TMEM9: variants seen among roughly 807,000 people sequenced by gnomAD.
TMEM9 encodes the protein transmembrane protein 9, also known as proton-transporting V-type ATPase complex assembly regulator TMEM9.
In TMEM9, 13 loss-of-function variants were observed where a neutral mutation model predicts 22.8. That is an observed-to-expected ratio of 0.57 (90% confidence interval 0.37 to 0.91). The LOEUF is 0.91. TMEM9 is among the 40% of genes least tolerant of loss of function. The pLI is 0.01. For synonymous variants in TMEM9, 88 were observed against 93.0 expected (o/e 0.95, Z 0.31); for missense variants, 182 against 238.1 (o/e 0.76, Z 1.55).
At chr1:201,170,540 T>C (rs998800423) in intron 1 of TMEM9, among the ~76,000 whole-genome samples, 2 of 152,232 alleles carry the variant, frequency 1.3e-5, no homozygotes, top group African/African-American at 4.8e-5. Flanking sequence ...GCTGAAATGC[T>C]GACAAGTCTG....
intron 1 of TMEM9, among the ~76,000 whole-genome samples, chr1:201,171,141 T>C (rs909840882): frequency 2.0e-5 from 3 of 152,028 alleles, no homozygotes; most frequent in African/African-American, 7.2e-5. Context: ...GCTCCGTCCT[T>C]CCCCACCCGG....
At chr1:201,155,198 C>G (rs1209069795), upstream of TMEM9, among the ~76,000 whole-genome samples, 2 of 152,198 alleles carry the variant, frequency 1.3e-5, no homozygotes, top group African/African-American at 4.8e-5. Flanking sequence ...TGGCGCTCCC[C>G]CTAAGCAGCT....
chr1:201,155,283 G>T (rs1021495147), upstream of TMEM9, among the ~76,000 whole-genome samples: 2 of 144,020 alleles, frequency 1.4e-5, no homozygotes, highest in African/African-American at 5.1e-5. Context: ...AAAATGATTC[G>T]GTTGGATTCT....
chr1:201,154,622 A>G (rs1665721171), upstream of TMEM9: 1 of 152,212 alleles, frequency 6.6e-6, no homozygotes, highest in Non-Finnish European at 1.5e-5. Context: ...AAACCCGACC[A>G]AACCAGAAAA....
intron 1 of TMEM9, among the ~76,000 whole-genome samples, chr1:201,160,965 A>G (rs1011665408): frequency 6.6e-6 from 1 of 152,078 alleles, no homozygotes; most frequent in Non-Finnish European, 1.5e-5. Context: ...TGAGGACCCT[A>G]AAGAATTTTG....
At chr1:201,164,068 C>A (rs1666013369) in intron 1 of TMEM9, among the ~76,000 whole-genome samples, 1 of 152,160 alleles carries the variant, frequency 6.6e-6, no homozygotes, top group Non-Finnish European at 1.5e-5. Flanking sequence ...AAAAAGGAAT[C>A]AACTATTGAT....
intron 4 of TMEM9, 114 bp downstream of exon 4, chr1:201,143,706 C>A: frequency 1.9e-6 from 2 of 1,066,588 alleles, no homozygotes; most frequent in South Asian, 1.4e-5. Flanking sequence ...ACCAGAAGAG[C>A]AACTTGAAGC....
intron 3 of TMEM9, chr1:201,144,849 T>A (rs1207595823): frequency 1.3e-5 from 2 of 152,206 alleles, no homozygotes; most frequent in African/African-American, 4.8e-5. Context: ...GGCTACCAGA[T>A]GGTGGAGGTG....
chr1:201,139,510 AC>A (rs1165095286), intron 4 of TMEM9, among the ~76,000 whole-genome samples: 4 of 152,054 alleles, frequency 2.6e-5, no homozygotes, highest in African/African-American at 9.7e-5. Flanking sequence ...CCCAGCTGGG[AC>A]CCACCTGCTC....
Position 201,143,968 on chromosome 1 carries a change from C to T in TMEM9, c.268-17G>A, listed in dbSNP as rs779017423. On this transcript the variant is annotated splice_polypyrimidine_tract_variant and intron_variant, in intron 3 of 4. Transcript: ENST00000367330. Reference sequence around the variant, plus strand: ...AATGATGACCTGAGGAAGAGACCGGCGTGCCTATGAACCATTATCTGAGGC... The same window carrying T: ...AATGATGACCTGAGGAAGAGACCGGTGTGCCTATGAACCATTATCTGAGGC... 8.7e-6 allele frequency: 14 copies of T among 1,613,518 alleles called. No individual in the cohort carries two copies. The highest frequency in any genetic ancestry group is 1.6e-4 in the Middle Eastern group (1 of 6,084).
chr1:201,142,018 G>A (rs910106330), intron 4 of TMEM9, among the ~76,000 whole-genome samples: 1 of 152,154 alleles, frequency 6.6e-6, no homozygotes, highest in Non-Finnish European at 1.5e-5. Context: ...GTTTATTAGC[G>A]ATGCTCCTCC....
intron 1 of TMEM9, 65 bp from the exon 2 acceptor site, chr1:201,151,917 T>A: frequency 7.8e-7 from 1 of 1,277,616 alleles, no homozygotes; most frequent in Non-Finnish European, 1.1e-6. Context: ...GTTCAGGCTC[T>A]AGCAAGGTTG....
chr1:201,154,226 A>C lies in TMEM9; in HGVS notation c.-303T>G. The C allele has an allele frequency of 6.6e-6, 2 of 304,110 alleles. No homozygotes were observed. Among genetic ancestry groups the C allele is most frequent in the Middle Eastern group, 9.6e-4 (1 of 1,044 alleles). 18.8% of individuals were successfully genotyped at this position (304,110 alleles called of 1,614,324 possible). On this transcript the variant is annotated 5_prime_UTR_variant, in exon 1 of 5. Coordinates refer to ENST00000367330, the MANE Select transcript of TMEM9 (RefSeq NM_001288565.2). ...AGTTCCTTCTCAAGGCCCGGCTCTG[A>C]CCCGCGCATCACGTCCCACCGCCCT...
intron 1 of TMEM9, among the ~76,000 whole-genome samples, chr1:201,166,393 ACT>A (rs1666079495): frequency 6.7e-6 from 1 of 148,864 alleles, no homozygotes; most frequent in African/African-American, 2.5e-5. Context: ...ACAGAGTCTC[ACT>A]CTGTCACCCA....
Position 201,135,504 on chromosome 1 carries a change from A to T in TMEM9, c.*159T>A. Reference sequence around the variant, plus strand: ...CCCTCTTCCCTAATCAAAATAGCCAAGTACAACATTTCTAAAGTTAGGGAG... The same window carrying T: ...CCCTCTTCCCTAATCAAAATAGCCATGTACAACATTTCTAAAGTTAGGGAG... On this transcript the variant is annotated 3_prime_UTR_variant, in exon 5 of 5. Coordinates refer to ENST00000367330, the MANE Select transcript of TMEM9 (RefSeq NM_001288565.2). 1.4e-6 allele frequency: 1 copy of T among 707,610 alleles called. No individual in the cohort carries two copies. The highest frequency in any genetic ancestry group is 2.6e-5 in the South Asian group (1 of 39,032). 43.8% of individuals were successfully genotyped at this position (707,610 alleles called of 1,614,324 possible).
At chr1:201,137,293 G>A (rs1168856233) in intron 4 of TMEM9, among the ~76,000 whole-genome samples, 1 of 152,236 alleles carries the variant, frequency 6.6e-6, no homozygotes, top group Admixed American at 6.5e-5. Context: ...CGTCCCAGGT[G>A]GAACTACAGA....
intron 2 of TMEM9, among the ~76,000 whole-genome samples, chr1:201,147,114 G>A (rs4915488): frequency 0.74 from 112,616 of 152,056 alleles, 41,832 homozygotes; most frequent in Non-Finnish European, 0.77. Context: ...ACGTTCCCAG[G>A]GTTCTACCCC....
At position 201,135,648 on chromosome 1, in the gene TMEM9, A is replaced by G. The variant is rs778970281; in HGVS notation, c.*15T>C. Reference sequence around the variant, plus strand: ...GCCATGGTGTTGGGGCCTTGACCCAACCACACCAGCCCATCTAGCTGAGCA... The same window carrying G: ...GCCATGGTGTTGGGGCCTTGACCCAGCCACACCAGCCCATCTAGCTGAGCA... On this transcript the variant is annotated 3_prime_UTR_variant, in exon 5 of 5. Coordinates refer to ENST00000367330, the MANE Select transcript of TMEM9 (RefSeq NM_001288565.2). 6.3e-7 allele frequency: 1 copy of G among 1,595,696 alleles called. No homozygotes were observed. The highest frequency in any genetic ancestry group is 8.5e-7 in the Non-Finnish European group (1 of 1,169,722).
At chr1:201,135,952 T>G (rs1663951094) in intron 4 of TMEM9, 137 bp from the exon 5 acceptor site, 1 of 872,254 alleles carries the variant, frequency 1.1e-6, no homozygotes. Context: ...CCCCAAGTGC[T>G]GCAGGCTGAG....
Sources: allele counts gnomAD v4.1 joint callset (sites outside exome capture counted in the v4.1 genomes callset), GRCh38; gene constraint gnomAD v4.1.1; transcripts MANE v1.5; gene names NCBI Gene and HGNC (gene_info 2026-07-23, HGNC 2026-07-21).